EFHC1: variants seen among roughly 807,000 people sequenced by gnomAD.
EFHC1 encodes EF-hand domain containing 1, also known as EF-hand domain-containing protein 1.
In EFHC1, 53 loss-of-function variants were observed where a neutral mutation model predicts 69.9. The observed-to-expected ratio is 0.76, with a 90% CI of 0.61 to 0.95. EFHC1 has a LOEUF of 0.95. Ranked by LOEUF, EFHC1 falls within the 40% of genes least tolerant of loss-of-function variation. EFHC1 has a pLI of 0.00. For missense variants in EFHC1, 739 were observed against 798.7 expected (o/e 0.93, Z 0.90); for synonymous variants, 256 against 278.4 (o/e 0.92, Z 0.80).
intron 7 of EFHC1, among the ~76,000 whole-genome samples, chr6:52,478,113 A>G (rs1765583192): frequency 6.6e-6 from 1 of 152,246 alleles, no homozygotes; most frequent in Non-Finnish European, 1.5e-5. Context: ...TGATGAGTTC[A>G]TGTCCTTTGT....
At chr6:52,480,328 G>C (rs1417249247) in intron 9 of EFHC1, among the ~76,000 whole-genome samples, 8 of 152,134 alleles carry the variant, frequency 5.3e-5, no homozygotes, top group Non-Finnish European at 1.0e-4. Flanking sequence ...TGTCTCAAGG[G>C]TGGCAAAGCA....
At chr6:52,433,996 A>T (rs1326150194) in intron 2 of EFHC1, among the ~76,000 whole-genome samples, 1 of 151,892 alleles carries the variant, frequency 6.6e-6, no homozygotes, top group Non-Finnish European at 1.5e-5. Flanking sequence ...GCTCCCATGC[A>T]ACCCAAAGGT....
chr6:52,478,676 G>A (rs1025835109), intron 7 of EFHC1, among the ~76,000 whole-genome samples: 3 of 152,278 alleles, frequency 2.0e-5, no homozygotes, highest in Admixed American at 2.0e-4. Flanking sequence ...CTAGTATACT[G>A]TGTTTGTTTG....
chr6:52,459,823 T>C (rs1765123555), intron 5 of EFHC1, among the ~76,000 whole-genome samples: 1 of 152,096 alleles, frequency 6.6e-6, no homozygotes, highest in Non-Finnish European at 1.5e-5. Flanking sequence ...TACAGGCGCC[T>C]GCCACTACGC....
chr6:52,456,649 G>A (rs945972754), intron 5 of EFHC1, among the ~76,000 whole-genome samples: 17 of 152,240 alleles, frequency 1.1e-4, no homozygotes, highest in African/African-American at 2.9e-4. Flanking sequence ...CGCTGTGGCC[G>A]AAGCCTATAA....
chr6:52,459,631 C>T (rs1021743915), intron 5 of EFHC1, among the ~76,000 whole-genome samples: 4 of 152,154 alleles, frequency 2.6e-5, no homozygotes, highest in African/African-American at 9.7e-5. Context: ...GAAACAACCA[C>T]GTTGAAAAAT....
chr6:52,446,571 A>G lies in EFHC1; in HGVS notation c.574-6117A>G, dbSNP rs138862240. Among the ~76,000 whole-genome samples, 842 of 152,248 alleles carry G rather than the reference A, an allele frequency of 5.5e-3. 8 individuals are homozygous for G. Among genetic ancestry groups the G allele is most frequent in the African/African-American group, 0.019 (792 of 41,524 alleles). On this transcript the variant is annotated intron_variant, in intron 3 of 10. Coordinates refer to ENST00000371068, the MANE Select transcript of EFHC1 (RefSeq NM_018100.4). ...TTTAGTTCATTTACATTTAAGGTTA[A>G]TATTGTTAAGTGTGAATTTGATCCT...
chr6:52,454,046 A>T, intron 4 of EFHC1, 49 bp from the exon 5 acceptor site: 1 of 1,611,078 alleles, frequency 6.2e-7, no homozygotes, highest in Non-Finnish European at 8.5e-7. Flanking sequence ...AGCCAAGTTG[A>T]ACTCCCTACT....
At chr6:52,420,865 G>C in intron 1 of EFHC1, 1 of 397,032 alleles carries the variant, frequency 2.5e-6, no homozygotes, top group Non-Finnish European at 4.4e-6. Context: ...TCCCTAGCTC[G>C]TTCTCTCACA....
At chr6:52,443,015 A>G (rs1269780709) in intron 3 of EFHC1, among the ~76,000 whole-genome samples, 3 of 151,890 alleles carry the variant, frequency 2.0e-5, no homozygotes, top group Non-Finnish European at 4.4e-5. Context: ...TGTGGTTTTG[A>G]TTTGCATTTC....
chr6:52,462,684 G>A (rs1302441008), intron 5 of EFHC1, among the ~76,000 whole-genome samples: 1 of 152,060 alleles, frequency 6.6e-6, no homozygotes, highest in Non-Finnish European at 1.5e-5. Flanking sequence ...TCAGGAGTTC[G>A]AGACCAGCCT....
Position 52,494,148 on chromosome 6 carries a change from T to TA in EFHC1, c.*1813dup, listed in dbSNP as rs201262358. The TA allele has an allele frequency of 2.5e-3, 1,119 of 454,024 alleles. 12 individuals are homozygous for TA. Among genetic ancestry groups the TA allele is most frequent in the African/African-American group, 0.02 (1,007 of 50,090 alleles). 28.1% of individuals were successfully genotyped at this position (454,024 alleles called of 1,614,324 possible). A position where few individuals can be genotyped will look rare whatever the true frequency, so the allele number is the denominator to read the frequency against. On this transcript the variant is annotated 3_prime_UTR_variant, in exon 11 of 11. Transcript: ENST00000371068. ...CTATGTCTCAATAAACTCACGTAAG[T>TA]AAAAAATATCACAAGTTGAAAACAC...
intron 3 of EFHC1, among the ~76,000 whole-genome samples, chr6:52,452,098 AAC>A (rs1764928113): frequency 6.6e-6 from 1 of 152,190 alleles, no homozygotes; most frequent in Admixed American, 6.5e-5. Context: ...ATTATTTGAA[AAC>A]AGTTATTTTG....
At chr6:52,462,819 C>A (rs1765200284) in intron 5 of EFHC1, among the ~76,000 whole-genome samples, 1 of 146,734 alleles carries the variant, frequency 6.8e-6, no homozygotes, top group Non-Finnish European at 1.5e-5. Flanking sequence ...ACCTGGAAGG[C>A]AGAGGTTGCA....
At chr6:52,453,281 G>C in intron 4 of EFHC1, 1 of 1,287,676 alleles carries the variant, frequency 7.8e-7, no homozygotes, top group South Asian at 1.2e-5. Context: ...CCCCACTACA[G>C]ATGCTTCCTT....
At chr6:52,477,986 T>C (rs1279499328) in intron 7 of EFHC1, among the ~76,000 whole-genome samples, 5 of 152,146 alleles carry the variant, frequency 3.3e-5, no homozygotes, top group African/African-American at 1.2e-4. Context: ...CGTATGTTTA[T>C]TGCGGCATTA....
Position 52,464,952 on chromosome 6 carries a change from C to CT in EFHC1, c.975dup (p.Ala326CysfsTer2), listed in dbSNP as rs1765265973. 6.2e-7 allele frequency: 1 copy of CT among 1,614,126 alleles called. No homozygotes were observed. The highest frequency in any genetic ancestry group is 2.2e-5 in the East Asian group (1 of 44,872). ...GACCAAGAAGTGTTGGAATGGTATA[C>CT]TGCTAAAGACTTCATTGTTGGGAAG... On this transcript the variant is annotated frameshift_variant, in exon 6 of 11. Transcript: ENST00000371068. LOFTEE classifies it high-confidence loss of function.
intron 4 of EFHC1, chr6:52,453,828 T>C (rs1764975105): frequency 7.6e-7 from 1 of 1,315,398 alleles, no homozygotes; most frequent in African/African-American, 1.5e-5. Context: ...CACTGACTAA[T>C]ATTTTGGATC....
rs1764587184 is a variant in EFHC1 at position 52,438,507 on chromosome 6, C to T, written c.489C>T (p.Tyr163=). Residue 163 remains tyrosine (Y), a synonymous_variant, in exon 3 of 11, where the codon TAC becomes TAT. Coordinates refer to ENST00000371068, the MANE Select transcript of EFHC1 (RefSeq NM_018100.4). ...CCAAGAATGACCGGGGTGACCATTA[C>T]CATTGGAAAGACCTAAATCGAGGAA... ...RLAKNDRGDH[Y]HWKDLNRGIN... 6.2e-7 allele frequency: 1 copy of T among 1,614,032 alleles called. No individual in the cohort carries two copies. Among genetic ancestry groups the T allele is most frequent in the Non-Finnish European group, 8.5e-7 (1 of 1,179,972 alleles).
Sources: allele counts gnomAD v4.1 joint callset (sites outside exome capture counted in the v4.1 genomes callset), GRCh38; gene constraint gnomAD v4.1.1; transcripts MANE v1.5; gene names NCBI Gene and HGNC (gene_info 2026-07-23, HGNC 2026-07-21).